The following CSMD1 variants were observed in gnomAD, a reference collection of about 807,000 sequenced individuals.
CSMD1 encodes CUB and Sushi multiple domains 1.
CSMD1 carries 213 observed loss-of-function variants against 417.5 expected under a neutral mutation model. That is an observed-to-expected ratio of 0.51 (90% CI 0.46 to 0.57). The LOEUF (loss-of-function observed/expected upper bound fraction) is 0.57. CSMD1 is among the 20% of genes least tolerant of loss of function. CSMD1 has a pLI of 0.00. For synonymous variants in CSMD1, 2,862 were observed against 1,736.8 expected, an observed-to-expected ratio of 1.65 and a Z score of -16.11; for missense variants, 6,923 against 4,529.7, an observed-to-expected ratio of 1.53 and a Z score of -15.17.
intron 1 of CSMD1, among the ~76,000 whole-genome samples, chr8:4,860,034 G>T (rs1208947022): frequency 6.6e-6 from 1 of 152,022 alleles, no homozygotes; most frequent in South Asian, 2.1e-4. Context: ...TGATAGACTG[G>T]ATTAAGAAAA....
intron 52 of CSMD1, among the ~76,000 whole-genome samples, chr8:3,012,528 C>T (rs1004838319): frequency 1.3e-5 from 2 of 152,040 alleles, no homozygotes; most frequent in Non-Finnish European, 2.9e-5. Context: ...TTTCTAGTAG[C>T]CCCAAAAATA....
At chr8:4,570,611 T>C (rs1224408663) in intron 2 of CSMD1, among the ~76,000 whole-genome samples, 1 of 152,170 alleles carries the variant, frequency 6.6e-6, no homozygotes, top group African/African-American at 2.4e-5. Flanking sequence ...TTTCTTTTTT[T>C]ATTGTGTCTC....
chr8:4,055,274 T>G (rs967124714), intron 3 of CSMD1, among the ~76,000 whole-genome samples: 1 of 152,164 alleles, frequency 6.6e-6, no homozygotes, highest in Non-Finnish European at 1.5e-5. Context: ...TAAACAATTT[T>G]TGTATTATTG....
At chr8:3,812,289 CT>C (rs1801132175) in intron 5 of CSMD1, among the ~76,000 whole-genome samples, 1 of 152,168 alleles carries the variant, frequency 6.6e-6, no homozygotes, top group African/African-American at 2.4e-5. Flanking sequence ...GGTGGGGACT[CT>C]AATCTCACAG....
chr8:3,191,788 A>G (rs1351761042), intron 33 of CSMD1, among the ~76,000 whole-genome samples: 2 of 152,214 alleles, frequency 1.3e-5, no homozygotes, highest in Admixed American at 1.3e-4. Flanking sequence ...GAAAATAGTT[A>G]TGCCCTTTGA....
intron 12 of CSMD1, among the ~76,000 whole-genome samples, chr8:3,456,478 T>C (rs1025790465): frequency 1.1e-4 from 16 of 152,236 alleles, no homozygotes; most frequent in Non-Finnish European, 1.6e-4. Context: ...ATTTAGAAAA[T>C]GCATAACACT....
At chr8:3,764,589 C>A (rs536071322) in intron 5 of CSMD1, among the ~76,000 whole-genome samples, 1 of 152,130 alleles carries the variant, frequency 6.6e-6, no homozygotes, top group African/African-American at 2.4e-5. Flanking sequence ...TTAAACTTCT[C>A]TTGGATGGCA....
intron 37 of CSMD1, among the ~76,000 whole-genome samples, chr8:3,168,627 T>A (rs1820381298): frequency 9.1e-6 from 1 of 109,954 alleles, no homozygotes; most frequent in African/African-American, 4.0e-5. Flanking sequence ...TCAGTAAGTC[T>A]TCATCACACA....
At position 3,772,406 on chromosome 8, in the gene CSMD1, CATATATTT is replaced by C. The variant is rs1164713354; in HGVS notation, c.819-18372_819-18365del. Among the ~76,000 whole-genome samples, 44 of 134,586 alleles carry C rather than the reference CATATATTT, an allele frequency of 3.3e-4. 5 individuals are homozygous for C. The highest frequency in any genetic ancestry group is 1.3e-3 in the African/African-American group (44 of 34,852). The allele number at this position is 134,586 out of a possible 152,430, so 88.3% of individuals were successfully genotyped here. ...ATATATTTATATATACACATATATA[CATATATTT>C]ATATATACACATATATACATACATT... is the stretch of plus-strand genomic sequence containing the variant. On this transcript the variant is annotated intron_variant, in intron 5 of 69. Transcript: ENST00000635120.
At chr8:3,179,475 GTCTC>G (rs1478589806) in intron 37 of CSMD1, among the ~76,000 whole-genome samples, 1 of 152,142 alleles carries the variant, frequency 6.6e-6, no homozygotes, top group Non-Finnish European at 1.5e-5. Flanking sequence ...AAATATGTTA[GTCTC>G]TCTTTTTTAA....
At chr8:4,735,861 G>A (rs1302778552) in intron 1 of CSMD1, among the ~76,000 whole-genome samples, 1 of 152,092 alleles carries the variant, frequency 6.6e-6, no homozygotes, top group Non-Finnish European at 1.5e-5. Context: ...TGATTCCAGG[G>A]TCCAAGATTT....
intron 17 of CSMD1, among the ~76,000 whole-genome samples, chr8:3,393,251 G>A (rs903341338): frequency 6.6e-6 from 1 of 152,168 alleles, no homozygotes; most frequent in African/African-American, 2.4e-5. Context: ...CACAGTGCTG[G>A]AAAGTTCCAA....
intron 1 of CSMD1, among the ~76,000 whole-genome samples, 189 bp from the exon 2 acceptor site, chr8:4,637,747 T>G (rs1346678149): frequency 7.2e-6 from 1 of 138,028 alleles, no homozygotes; most frequent in Non-Finnish European, 1.5e-5. Context: ...CTCAGCTCAC[T>G]GCAAGCTCCG....
In CSMD1 at chr8:3,768,042, A is replaced by G. The variant is rs142584474; in HGVS notation, c.819-14000T>C. Among the ~76,000 whole-genome samples, 333 of 152,284 alleles carry G rather than the reference A, an allele frequency of 2.2e-3. 2 individuals carry two copies. Among genetic ancestry groups the G allele is most frequent in the African/African-American group, 6.0e-3 (249 of 41,552 alleles). ...GCACCAGGTATACAAAACAGAATCA[A>G]TCTTTGACCCCGAGTATAGACAGCT... On this transcript the variant is annotated intron_variant, in intron 5 of 69. Coordinates refer to ENST00000635120, the MANE Select transcript of CSMD1 (RefSeq NM_033225.6).
chr8:3,121,431 C>G (rs1817198365), intron 41 of CSMD1, among the ~76,000 whole-genome samples: 1 of 152,146 alleles, frequency 6.6e-6, no homozygotes, highest in African/African-American at 2.4e-5. Flanking sequence ...GAGATAATTC[C>G]TGGCATTGGC....
chr8:3,929,843 G>C (rs1198603931), intron 5 of CSMD1, among the ~76,000 whole-genome samples: 1 of 149,498 alleles, frequency 6.7e-6, no homozygotes, highest in Non-Finnish European at 1.5e-5. Context: ...TGTGTTTTTA[G>C]TAGAGACGCG....
In CSMD1 at chr8:3,230,837, T is replaced by G. The variant is rs536716136; in HGVS notation, c.4154-606A>C. On this transcript the variant is annotated intron_variant, in intron 26 of 69. Coordinates refer to ENST00000635120, the MANE Select transcript of CSMD1 (RefSeq NM_033225.6). The stretch of plus-strand genomic sequence containing the variant: ...AATATATTATATGGCCACCCTAATA[T>G]TAACAAAAGCTCTGAAAATAATATC... Among the ~76,000 whole-genome samples the G allele has an allele frequency of 3.3e-5, 5 of 152,272 alleles. No homozygotes were observed. In the East Asian group the frequency reaches 9.7e-4, roughly 29 times the overall value.
intron 2 of CSMD1, among the ~76,000 whole-genome samples, chr8:4,606,668 A>T (rs1291440392): frequency 1.3e-5 from 2 of 152,186 alleles, no homozygotes; most frequent in Non-Finnish European, 2.9e-5. Context: ...TGTTCTATTC[A>T]CTTGGATGAC....
chr8:3,024,865 T>G (rs1026808187), intron 51 of CSMD1, among the ~76,000 whole-genome samples: 16 of 150,994 alleles, frequency 1.1e-4, no homozygotes, highest in African/African-American at 3.7e-4. Context: ...AAAATCCATG[T>G]TGGAGGGAAA....
Sources: gnomAD v4.1 joint callset for allele counts (sites outside exome capture counted in the v4.1 genomes callset) on GRCh38, gnomAD v4.1.1 for gene constraint, MANE v1.5 for transcripts, NCBI Gene and HGNC (gene_info 2026-07-23, HGNC 2026-07-21) for gene names.